Variants in BCL9 observed in about 807,000 individuals in gnomAD.
BCL9 encodes the protein B-cell CLL/lymphoma 9 protein.
Under a neutral mutation model 88.5 loss-of-function variants are expected in BCL9, and 25 were observed. The ratio of observed to expected loss-of-function variants is 0.28; its 90% CI spans 0.21 to 0.39. The LOEUF (loss-of-function observed/expected upper bound fraction) is 0.39, where lower values mean the gene tolerates loss of function less well. BCL9 is among the 10% of genes least tolerant of loss of function. The probability of loss-of-function intolerance (pLI) is 1.00; values close to 1 mark genes in which losing one functional copy is unlikely to be tolerated. For synonymous variants in BCL9, 711 were observed against 673.3 expected (o/e 1.06, Z -0.87); for missense variants, 1,817 against 1,877.8 (o/e 0.97, Z 0.60).
At chr1:147,600,322 C>G (rs908800081) in intron 1 of BCL9, 4 of 152,896 alleles carry the variant, frequency 2.6e-5, no homozygotes, top group Non-Finnish European at 5.9e-5. Context: ...TCCCCTCCCC[C>G]ACTCCTGCCT....
At chr1:147,569,587 T>C (rs1570836675) in intron 1 of BCL9, among the ~76,000 whole-genome samples, 1 of 151,304 alleles carries the variant, frequency 6.6e-6, no homozygotes, top group Admixed American at 6.6e-5. Flanking sequence ...GAGACAGAGG[T>C]TGTGGTGAGC....
intron 1 of BCL9, among the ~76,000 whole-genome samples, chr1:147,554,437 C>G (rs1358051643): frequency 2.6e-5 from 4 of 152,158 alleles, no homozygotes; most frequent in Non-Finnish European, 4.4e-5. Flanking sequence ...ATTGCTGGAG[C>G]TGGCTTCTGT....
At chr1:147,596,433 A>ATTT (rs1657056450) in intron 1 of BCL9, among the ~76,000 whole-genome samples, 1 of 3,374 alleles carries the variant, frequency 3.0e-4, no homozygotes, top group African/African-American at 1.4e-3. Context: ...TTTTTTTTTG[A>ATTT]GACGGAGTCT....
In BCL9 at chr1:147,620,711, C is replaced by T. The variant is rs1553205133; in HGVS notation, c.2556C>T (p.Gly852=). The T allele has an allele frequency of 1.2e-6, 2 of 1,614,068 alleles. No homozygotes were observed. Among genetic ancestry groups the T allele is most frequent in the African/African-American group, 2.7e-5 (2 of 74,930 alleles). ...GRKPLDISVA[G]SQVHSPGINP... is the part of the protein sequence containing the mutation. Reference sequence around the variant, plus strand: ...AGCCCTTGGATATATCTGTGGCAGGCAGCCAGGTGCATTCCCCAGGCATTA... The same window carrying T: ...AGCCCTTGGATATATCTGTGGCAGGTAGCCAGGTGCATTCCCCAGGCATTA... The change falls in exon 8 of 10, where the codon GGC becomes GGT. Residue 852 remains glycine, a synonymous_variant. Coordinates refer to ENST00000234739, the MANE Select transcript of BCL9 (RefSeq NM_004326.4).
chr1:147,567,200 C>A (rs587663992), intron 1 of BCL9, among the ~76,000 whole-genome samples: 1 of 152,290 alleles, frequency 6.6e-6, no homozygotes, highest in East Asian at 1.9e-4. Context: ...ATAGTTTCAA[C>A]AAGTGGATTT....
At chr1:147,608,330 C>CTTTTTTTTTTT (rs35324998) in intron 3 of BCL9, among the ~76,000 whole-genome samples, 4 of 101,054 alleles carry the variant, frequency 4.0e-5, no homozygotes, top group African/African-American at 7.8e-5. Context: ...TTTTGTTTTG[C>CTTTTTTTTTTT]TTTTTTTTTT....
intron 1 of BCL9, among the ~76,000 whole-genome samples, chr1:147,566,778 A>C (rs1553196778): frequency 6.7e-6 from 1 of 149,060 alleles, no homozygotes; most frequent in African/African-American, 2.5e-5. Context: ...AAAAAAAAGA[A>C]AGTCATGGGC....
At chr1:147,568,440 C>A (rs2101521606) in intron 1 of BCL9, among the ~76,000 whole-genome samples, 1 of 149,492 alleles carries the variant, frequency 6.7e-6, no homozygotes, top group Non-Finnish European at 1.5e-5. Flanking sequence ...CATAGTTGGG[C>A]ACTGTTCAAA....
intron 1 of BCL9, among the ~76,000 whole-genome samples, chr1:147,593,326 A>G (rs1656921453): frequency 6.6e-6 from 1 of 152,126 alleles, no homozygotes; most frequent in Non-Finnish European, 1.5e-5. Flanking sequence ...ATTGCCTTCT[A>G]TCTTGCATTG....
At chr1:147,544,518 G>A (rs587663750) in intron 1 of BCL9, among the ~76,000 whole-genome samples, 1 of 152,282 alleles carries the variant, frequency 6.6e-6, no homozygotes, top group South Asian at 2.1e-4. Flanking sequence ...GTAGTGAGCA[G>A]CCTAACATTG....
Position 147,624,026 on chromosome 1 carries a change from C to T in BCL9, c.3348C>T (p.His1116=). 1.9e-6 allele frequency: 3 copies of T among 1,614,216 alleles called. No individual in the cohort carries two copies. Among genetic ancestry groups the T allele is most frequent in the Non-Finnish European group, 2.5e-6 (3 of 1,180,040 alleles). ...GVPMGPGLMS[H]NPIMGHGSQE... ...CAATGGGGCCTGGCTTGATGTCACA[C>T]AATCCTATCATGGGGCATGGGTCCC... Residue 1116 remains histidine, a synonymous_variant, in exon 10 of 10, where the codon CAC becomes CAT. Coordinates refer to ENST00000234739, the MANE Select transcript of BCL9 (RefSeq NM_004326.4). The surrounding 1 kb of genome is among the most constrained non-coding windows in gnomAD (Gnocchi z 4.4).
intron 1 of BCL9, among the ~76,000 whole-genome samples, chr1:147,568,430 C>A (rs1655711008): frequency 6.7e-6 from 1 of 150,312 alleles, no homozygotes; most frequent in Non-Finnish European, 1.5e-5. Flanking sequence ...CATTAAATTT[C>A]ATAGTTGGGC....
chr1:147,625,454 T>C lies in BCL9; in HGVS notation c.*495T>C, dbSNP rs115164084. 694 of 229,268 alleles carry C rather than the reference T, an allele frequency of 3.0e-3. 7 individuals carry two copies. The highest frequency in any genetic ancestry group is 0.014 in the African/African-American group (647 of 45,096). The allele number at this position is 229,268 out of a possible 1,614,324, so 14.2% of individuals were successfully genotyped here. On this transcript the variant is annotated 3_prime_UTR_variant, in exon 10 of 10. Coordinates refer to ENST00000234739, the MANE Select transcript of BCL9 (RefSeq NM_004326.4). The stretch of plus-strand genomic sequence containing the variant: ...AACAGGAATGCTGGGCTGTTTACTT[T>C]AGGTGGAGAATCCATCTTCAGACCT...
chr1:147,604,550 G>A (rs1225143159), intron 1 of BCL9, among the ~76,000 whole-genome samples: 1 of 152,178 alleles, frequency 6.6e-6, no homozygotes, highest in Non-Finnish European at 1.5e-5. Context: ...CCATTAGCGT[G>A]GTTAGGCCTC....
intron 2 of BCL9, among the ~76,000 whole-genome samples, chr1:147,605,185 C>T (rs1043234069): frequency 4.6e-5 from 7 of 152,274 alleles, no homozygotes; most frequent in Non-Finnish European, 5.9e-5. Flanking sequence ...ATCATACCAT[C>T]GTTGTGTGTG....
At chr1:147,577,213 C>T (rs587692710) in intron 1 of BCL9, among the ~76,000 whole-genome samples, 179 of 152,242 alleles carry the variant, frequency 1.2e-3, no homozygotes, top group African/African-American at 3.9e-3. Flanking sequence ...CCAAGGTCCT[C>T]GTCAGCTTTT....
In BCL9 at chr1:147,625,382, T is replaced by C; in HGVS notation, c.*423T>C. On this transcript the variant is annotated 3_prime_UTR_variant, in exon 10 of 10. Transcript: ENST00000234739. ...TTTTTTTCTGTGTACTGTACTATAT[T>C]GTAAAAGGGATTTTAGCAGAGACTT... is the stretch of plus-strand genomic sequence containing the variant. The C allele has an allele frequency of 4.3e-6, 1 of 233,656 alleles. No homozygotes were observed. Among genetic ancestry groups the C allele is most frequent in the Non-Finnish European group, 8.5e-6 (1 of 117,956 alleles). 14.5% of individuals were successfully genotyped at this position (233,656 alleles called of 1,614,324 possible).
At position 147,546,961 on chromosome 1, in the gene BCL9, C is replaced by T. The variant is rs587774035; in HGVS notation, c.-478+5287C>T. 1.5e-4 allele frequency among the ~76,000 whole-genome samples: 23 copies of T among 151,138 alleles called. 1 individual carries two copies. Among genetic ancestry groups the T allele is most frequent in the Admixed American group, 9.9e-4 (15 of 15,104 alleles). ...AAATGGACGGGCACTGGGTACATCT[C>T]TTAGCTTTGCTGTTCTCACAGGCTT... On this transcript the variant is annotated intron_variant, in intron 1 of 9. Transcript: ENST00000234739.
At chr1:147,561,697 A>T (rs1033458387) in intron 1 of BCL9, among the ~76,000 whole-genome samples, 19 of 152,236 alleles carry the variant, frequency 1.2e-4, no homozygotes, top group African/African-American at 4.3e-4. Flanking sequence ...CCCATCCTTA[A>T]GGAGCTAATA....
Sources: allele counts gnomAD v4.1 joint callset (sites outside exome capture counted in the v4.1 genomes callset), GRCh38; gene constraint gnomAD v4.1.1; non-coding constraint Gnocchi (gnomAD v3.1); transcripts MANE v1.5; gene names NCBI Gene and HGNC (gene_info 2026-07-23, HGNC 2026-07-21).